The following DOCK3 variants were observed in gnomAD, a reference collection of about 807,000 sequenced individuals.
The protein encoded by DOCK3 is dedicator of cytokinesis protein 3.
Under a neutral mutation model 265.6 loss-of-function variants are expected in DOCK3, and 60 were observed. The observed-to-expected ratio is 0.23, with a 90% CI of 0.18 to 0.28. The LOEUF is 0.28. Among genes scored for constraint, DOCK3 ranks in the 10% least tolerant of loss-of-function variants. DOCK3 has a pLI of 1.00. For synonymous variants in DOCK3, 881 were observed against 938.0 expected (o/e 0.94, Z 1.11); for missense variants, 1,981 against 2,594.3 (o/e 0.76, Z 5.14).
intron 1 of DOCK3, among the ~76,000 whole-genome samples, chr3:50,680,583 A>C (rs1477031497): frequency 5.0e-5 from 7 of 138,676 alleles, no homozygotes; most frequent in African/African-American, 1.9e-4. Flanking sequence ...CTATGGCATG[A>C]TCGTAGCTCA....
At chr3:51,286,717 G>GA (rs545570458) in intron 27 of DOCK3, among the ~76,000 whole-genome samples, 137 of 152,246 alleles carry the variant, frequency 9.0e-4, no homozygotes, top group African/African-American at 3.2e-3. Flanking sequence ...AAGCAATGGG[G>GA]AAAAGACTCC....
chr3:51,290,308 G>A (rs1053304103), intron 27 of DOCK3, among the ~76,000 whole-genome samples: 1 of 152,150 alleles, frequency 6.6e-6, no homozygotes, highest in African/African-American at 2.4e-5. Context: ...ATGATAGACT[G>A]GATTAAGAAA....
chr3:50,970,291 A>G (rs1182679690), intron 5 of DOCK3, among the ~76,000 whole-genome samples: 1 of 152,094 alleles, frequency 6.6e-6, no homozygotes, highest in Non-Finnish European at 1.5e-5. Context: ...CTTGCAGTAT[A>G]TCTTTATGGA....
At chr3:50,989,985 A>T (rs564995905) in intron 5 of DOCK3, among the ~76,000 whole-genome samples, 1 of 152,342 alleles carries the variant, frequency 6.6e-6, no homozygotes, top group Admixed American at 6.5e-5. Context: ...CTGAAATAAC[A>T]CAATATAAGA....
intron 23 of DOCK3, among the ~76,000 whole-genome samples, chr3:51,261,513 C>T (rs1343178538): frequency 6.6e-6 from 1 of 152,130 alleles, no homozygotes; most frequent in Non-Finnish European, 1.5e-5. Context: ...GAGCTAGCTG[C>T]AGGAGTTTTT....
chr3:51,146,506 G>A lies in DOCK3; in HGVS notation c.747-43G>A, dbSNP rs371259290. 291 of 1,543,182 alleles carry A rather than the reference G, an allele frequency of 1.9e-4. No homozygotes were observed. In the African/African-American group the frequency reaches 3.5e-3, roughly 19 times the overall value. On this transcript the variant is annotated intron_variant, in intron 9 of 52. Coordinates refer to ENST00000266037, the MANE Select transcript of DOCK3 (RefSeq NM_004947.5). ...CTGCCCTTTTTCTTTGTTCTGGAGT[G>A]TGTTACTCACATTTCTCTATATCTT...
intron 37 of DOCK3, among the ~76,000 whole-genome samples, chr3:51,339,672 GT>G (rs1402238007): frequency 6.6e-6 from 1 of 152,162 alleles, no homozygotes; most frequent in Non-Finnish European, 1.5e-5. Context: ...TGTCACATCT[GT>G]TTACTGAGAA....
At chr3:50,788,032 T>C in intron 2 of DOCK3, 2 of 738,884 alleles carry the variant, frequency 2.7e-6, no homozygotes, top group Non-Finnish European at 4.6e-6. Flanking sequence ...CAGACTCTGC[T>C]CCTGTCTCCC....
At chr3:51,172,179 CTT>C (rs111238598) in intron 12 of DOCK3, among the ~76,000 whole-genome samples, 176 of 137,218 alleles carry the variant, frequency 1.3e-3, no homozygotes, top group Middle Eastern at 3.9e-3. Flanking sequence ...AATATCGTTT[CTT>C]TTTTTTTTTT....
At chr3:51,251,233 G>GT (rs1327894635) in intron 22 of DOCK3, among the ~76,000 whole-genome samples, 1 of 152,230 alleles carries the variant, frequency 6.6e-6, no homozygotes, top group East Asian at 1.9e-4. Context: ...ATTCCATGGT[G>GT]TATATGTGCC....
At chr3:51,135,032 T>C (rs1020244647) in intron 9 of DOCK3, among the ~76,000 whole-genome samples, 1 of 152,230 alleles carries the variant, frequency 6.6e-6, no homozygotes, top group Non-Finnish European at 1.5e-5. Context: ...CTGTTGCAGC[T>C]ACTACAGCAA....
At chr3:51,198,337 G>A (rs1386328992) in intron 12 of DOCK3, among the ~76,000 whole-genome samples, 2 of 152,140 alleles carry the variant, frequency 1.3e-5, no homozygotes, top group Non-Finnish European at 2.9e-5. Context: ...GGGATTCAGG[G>A]ACAATTCTTT....
intron 38 of DOCK3, among the ~76,000 whole-genome samples, chr3:51,342,499 T>C (rs2085307012): frequency 6.6e-6 from 1 of 152,212 alleles, no homozygotes; most frequent in Admixed American, 6.5e-5. Flanking sequence ...GGCACCTGGC[T>C]AACCTGGAGC....
chr3:51,081,851 G>A (rs143790966), intron 7 of DOCK3, among the ~76,000 whole-genome samples: 17 of 148,946 alleles, frequency 1.1e-4, no homozygotes, highest in African/African-American at 2.7e-4. Flanking sequence ...AGCCTAGATC[G>A]CGCCACTGGA....
intron 2 of DOCK3, among the ~76,000 whole-genome samples, chr3:50,819,190 C>G (rs1428344387): frequency 6.6e-6 from 1 of 152,134 alleles, no homozygotes; most frequent in Non-Finnish European, 1.5e-5. Flanking sequence ...GCATGTACTT[C>G]TGCTATAGAT....
At chr3:50,792,594 A>G (rs1423462306) in intron 2 of DOCK3, among the ~76,000 whole-genome samples, 2 of 152,110 alleles carry the variant, frequency 1.3e-5, no homozygotes, top group African/African-American at 4.8e-5. Context: ...TGGGTTTGTC[A>G]TAGATATCTG....
chr3:51,213,870 C>G (rs1362486279), intron 13 of DOCK3, among the ~76,000 whole-genome samples: 3 of 152,182 alleles, frequency 2.0e-5, no homozygotes, highest in Non-Finnish European at 1.5e-5. Flanking sequence ...GAGGGAAAGA[C>G]AACTCAATCT....
intron 12 of DOCK3, among the ~76,000 whole-genome samples, chr3:51,164,218 G>A (rs996544900): frequency 1.3e-5 from 2 of 152,100 alleles, no homozygotes; most frequent in South Asian, 4.1e-4. Context: ...TTAAAAAAAT[G>A]TCTTTTAACC....
chr3:51,237,485 C>G lies in DOCK3; in HGVS notation c.2002-5C>G. 8.7e-6 allele frequency: 14 copies of G among 1,612,676 alleles called. No homozygotes were observed. Among genetic ancestry groups the G allele is most frequent in the Non-Finnish European group, 1.2e-5 (14 of 1,179,310 alleles). ...CCCTGATGGCTTACTCTCCATATCT[C>G]CCAGGTGTTCATCATCAACCTGCTC... is the stretch of plus-strand genomic sequence containing the variant. On this transcript the variant is annotated splice_region_variant and splice_polypyrimidine_tract_variant and intron_variant, in intron 20 of 52. Transcript: ENST00000266037.
Sources: allele counts gnomAD v4.1 joint callset (sites outside exome capture counted in the v4.1 genomes callset), GRCh38; gene constraint gnomAD v4.1.1; transcripts MANE v1.5; gene names NCBI Gene and HGNC (gene_info 2026-07-23, HGNC 2026-07-21).